The following COL5A1 variants were observed in gnomAD, a reference collection of about 807,000 sequenced individuals.
COL5A1 encodes collagen alpha-1(V) chain.
A neutral mutation model predicts 263.7 loss-of-function variants in COL5A1; 16 were observed. That is an observed-to-expected ratio of 0.06 (90% CI 0.04 to 0.09). The LOEUF is 0.09. COL5A1 is among the 10% of genes least tolerant of loss of function. The probability of loss-of-function intolerance (pLI) is 1.00; values close to 1 mark genes in which losing one functional copy is unlikely to be tolerated. For missense variants in COL5A1, 2,036 were observed against 2,540.5 expected (o/e 0.80, Z 4.27); for synonymous variants, 1,012 against 1,004.5 (o/e 1.01, Z -0.14).
At chr9:134,815,792 C>T in intron 51 of COL5A1, 143 bp from the exon 52 acceptor site, 4 of 1,268,238 alleles carry the variant, frequency 3.2e-6, no homozygotes, top group Non-Finnish European at 4.5e-6. Flanking sequence ...CAAGAAAACG[C>T]CTTTGACCCC....
rs1490556806 is a variant in COL5A1 at position 134,757,036 on chromosome 9, C to A, written c.1881+218C>A. 6.6e-6 allele frequency among the ~76,000 whole-genome samples: 1 copy of A among 152,124 alleles called. No individual in the cohort carries two copies. Among genetic ancestry groups the A allele is most frequent in the Non-Finnish European group, 1.5e-5 (1 of 68,034 alleles). ...TCATAAGGGAGAAATTTGCTCCCTTCCAGCAGTGGCGAGCAGGGATGGGGG... is the reference window on the plus strand; with the variant it reads ...TCATAAGGGAGAAATTTGCTCCCTTACAGCAGTGGCGAGCAGGGATGGGGG... On this transcript the variant is annotated intron_variant, in intron 17 of 65. Transcript: ENST00000371817. The surrounding 1 kb of genome is among the most constrained non-coding windows in gnomAD (Gnocchi z 6.2).
chr9:134,789,082 C>T lies in COL5A1; in HGVS notation c.2647-73C>T. 2 of 1,366,294 alleles carry T rather than the reference C, an allele frequency of 1.5e-6. No individual in the cohort carries two copies. Among genetic ancestry groups the T allele is most frequent in the Non-Finnish European group, 2.1e-6 (2 of 961,984 alleles). The allele number at this position is 1,366,294 out of a possible 1,614,324, so 84.6% of individuals were successfully genotyped here. ...GGCTGTGCACTGGCATGCAGGTGGT[C>T]CCCCAGGCGGCCCATGCAGCATGAC... On this transcript the variant is annotated intron_variant, in intron 31 of 65. Coordinates refer to ENST00000371817, the MANE Select transcript of COL5A1 (RefSeq NM_000093.5). The surrounding 1 kb of genome is among the most constrained non-coding windows in gnomAD (Gnocchi z 4.8).
intron 46 of COL5A1, 114 bp from the exon 47 acceptor site, chr9:134,812,335 C>G (rs1167188714): frequency 5.5e-6 from 6 of 1,094,606 alleles, no homozygotes; most frequent in Non-Finnish European, 8.3e-6. Context: ...GAAGCACCTT[C>G]CCGGGGCTTC....
chr9:134,656,438 C>T (rs894609746), intron 1 of COL5A1, among the ~76,000 whole-genome samples: 1 of 152,170 alleles, frequency 6.6e-6, no homozygotes, highest in Non-Finnish European at 1.5e-5. Context: ...GAACTCCTGG[C>T]TGTGGGATCT....
intron 38 of COL5A1, 82 bp from the exon 39 acceptor site, chr9:134,802,806 C>T: frequency 9.6e-7 from 1 of 1,046,640 alleles, no homozygotes; most frequent in South Asian, 1.3e-5. Context: ...ATGACCAGGG[C>T]TGTCCTTAGA....
intron 11 of COL5A1, among the ~76,000 whole-genome samples, chr9:134,744,363 A>C (rs916413968): frequency 2.0e-5 from 3 of 151,878 alleles, no homozygotes; most frequent in South Asian, 4.2e-4. Flanking sequence ...GCACTCATGC[A>C]TACATGCCCA....
chr9:134,698,138 C>T (rs1833548624), intron 2 of COL5A1, among the ~76,000 whole-genome samples: 1 of 152,232 alleles, frequency 6.6e-6, no homozygotes, highest in Admixed American at 6.5e-5. Flanking sequence ...TGTGTCTAGA[C>T]ATGGGAGTCC....
At chr9:134,760,261 AC>A (rs1836295758) in intron 18 of COL5A1, among the ~76,000 whole-genome samples, 1 of 92,238 alleles carries the variant, frequency 1.1e-5, no homozygotes. Flanking sequence ...CACACCCCAC[AC>A]TGATACACAC....
intron 1 of COL5A1, among the ~76,000 whole-genome samples, chr9:134,648,302 A>G (rs1483414765): frequency 1.4e-5 from 2 of 140,452 alleles, no homozygotes; most frequent in Non-Finnish European, 3.0e-5. Context: ...ATATATATAT[A>G]TAATATATAT....
At chr9:134,836,590 G>T (rs1473850377) in intron 65 of COL5A1, among the ~76,000 whole-genome samples, 1 of 152,252 alleles carries the variant, frequency 6.6e-6, no homozygotes, top group Non-Finnish European at 1.5e-5. Context: ...TGAGGCCTGG[G>T]CAGGCAGGAA....
intron 1 of COL5A1, among the ~76,000 whole-genome samples, chr9:134,654,148 C>G (rs1474439384): frequency 2.3e-5 from 2 of 87,560 alleles, no homozygotes. Flanking sequence ...GTGTGTAGGG[C>G]TGGGGGTATG....
At chr9:134,695,606 C>A (rs1003800822) in intron 2 of COL5A1, among the ~76,000 whole-genome samples, 1 of 152,148 alleles carries the variant, frequency 6.6e-6, no homozygotes, top group African/African-American at 2.4e-5. Context: ...CCCCTGTACC[C>A]CCATAGAGCA....
chr9:134,835,322 A>G (rs1839815073), intron 65 of COL5A1, 118 bp downstream of exon 65: 4 of 887,516 alleles, frequency 4.5e-6, no homozygotes, highest in South Asian at 1.5e-5. Context: ...AGGGCCCCGG[A>G]CCAGACTCTC....
rs79481146 is a variant in COL5A1 at position 134,795,141 on chromosome 9, A to G, written c.2745+15A>G. On this transcript the variant is annotated intron_variant, in intron 33 of 65. Coordinates refer to ENST00000371817, the MANE Select transcript of COL5A1 (RefSeq NM_000093.5). ...GAGGCCCAACGGTAACCACCCTTTC[A>G]GCTTGTGGGCATGTTTGGGAAACGG... is the stretch of plus-strand genomic sequence containing the variant. The G allele has an allele frequency of 8.1e-6, 13 of 1,613,998 alleles. No individual in the cohort carries two copies. Among genetic ancestry groups the G allele is most frequent in the South Asian group, 5.5e-5 (5 of 91,082 alleles).
At chr9:134,684,359 G>A (rs532154690) in intron 1 of COL5A1, among the ~76,000 whole-genome samples, 3 of 152,350 alleles carry the variant, frequency 2.0e-5, no homozygotes, top group South Asian at 2.1e-4. Context: ...TTGCTGGGCT[G>A]GGTGCTGTGA....
chr9:134,796,136 A>G (rs1261656404), intron 34 of COL5A1, among the ~76,000 whole-genome samples: 2 of 152,150 alleles, frequency 1.3e-5, no homozygotes, highest in East Asian at 3.9e-4. Context: ...TGTTCTGGAA[A>G]TGTCCAGCCT....
rs1026548383 is a variant in COL5A1, at chr9:134,741,923, G to A, written c.1494+3115G>A. On this transcript the variant is annotated intron_variant, in intron 11 of 65. Coordinates refer to ENST00000371817, the MANE Select transcript of COL5A1 (RefSeq NM_000093.5). The surrounding 1 kb of genome is among the most constrained non-coding windows in gnomAD (Gnocchi z 4.5). ...GGTTTGTGCCTTTTCTTCCTCACTG[G>A]ATGGTGAGTTCCTCAAGACAGGCCT... 1.3e-5 allele frequency among the ~76,000 whole-genome samples: 2 copies of A among 152,038 alleles called. No homozygotes were observed. The highest frequency in any genetic ancestry group is 2.9e-5 in the Non-Finnish European group (2 of 68,008).
chr9:134,652,116 C>A lies in COL5A1; in HGVS notation c.109+9820C>A, dbSNP rs140836990. On this transcript the variant is annotated intron_variant, in intron 1 of 65. Coordinates refer to ENST00000371817, the MANE Select transcript of COL5A1 (RefSeq NM_000093.5). This position sits in a 1 kb window ranked among gnomAD's most constrained non-coding sequence, Gnocchi z 4.4. ...GTCGAGGTGGGGTGAAGGGCGTTCT[C>A]GAGGGAAGGGTAGGGAACGATTTCT... is the stretch of plus-strand genomic sequence containing the variant. 6.6e-6 allele frequency among the ~76,000 whole-genome samples: 1 copy of A among 151,962 alleles called. No homozygotes were observed. Among genetic ancestry groups the A allele is most frequent in the East Asian group, 1.9e-4 (1 of 5,176 alleles).
chr9:134,679,817 C>T (rs1435762349), intron 1 of COL5A1, among the ~76,000 whole-genome samples: 5 of 152,046 alleles, frequency 3.3e-5, no homozygotes, highest in Admixed American at 2.0e-4. Context: ...ATCTCAGGCT[C>T]CTGCCAGCCA....
Sources: allele counts gnomAD v4.1 joint callset (sites outside exome capture counted in the v4.1 genomes callset), GRCh38; gene constraint gnomAD v4.1.1; non-coding constraint Gnocchi (gnomAD v3.1); transcripts MANE v1.5; gene names NCBI Gene and HGNC (gene_info 2026-07-23, HGNC 2026-07-21).